Variants in MBOAT2 observed in about 807,000 individuals in gnomAD.
The protein encoded by MBOAT2 is membrane bound glycerophospholipid O-acyltransferase 2, also known as membrane-bound glycerophospholipid O-acyltransferase 2.
Under a neutral mutation model 63.4 loss-of-function variants are expected in MBOAT2, and 28 were observed. The ratio of observed to expected loss-of-function variants is 0.44; its 90% confidence interval spans 0.33 to 0.61. MBOAT2 has a LOEUF of 0.61. Among genes scored for constraint, MBOAT2 ranks in the 20% least tolerant of loss-of-function variants. The probability of loss-of-function intolerance (pLI) is 0.03; values close to 1 mark genes in which losing one functional copy is unlikely to be tolerated. For synonymous variants in MBOAT2, 211 were observed against 215.6 expected, an observed-to-expected ratio of 0.98 and a Z score of 0.19; for missense variants, 470 against 605.8, an observed-to-expected ratio of 0.78 and a Z score of 2.35.
chr2:8,981,153 C>T (rs929268337), intron 1 of MBOAT2, among the ~76,000 whole-genome samples: 15 of 152,036 alleles, frequency 9.9e-5, no homozygotes, highest in African/African-American at 3.4e-4. Flanking sequence ...CGAAAGTAGA[C>T]GAGTGGCTGC....
intron 1 of MBOAT2, among the ~76,000 whole-genome samples, chr2:8,994,739 T>C (rs1672150482): frequency 6.6e-6 from 1 of 152,082 alleles, no homozygotes; most frequent in Admixed American, 6.6e-5. Flanking sequence ...GCATGCAAGA[T>C]ACCCAAAAAG....
intron 12 of MBOAT2, among the ~76,000 whole-genome samples, 197 bp downstream of exon 12, chr2:8,860,416 T>G (rs565723098): frequency 6.6e-6 from 1 of 152,322 alleles, no homozygotes; most frequent in East Asian, 1.9e-4. Context: ...ATCACTCATC[T>G]GAGGGTTGAG....
intron 4 of MBOAT2, among the ~76,000 whole-genome samples, chr2:8,890,260 T>C (rs1663892195): frequency 6.6e-6 from 1 of 152,206 alleles, no homozygotes; most frequent in Non-Finnish European, 1.5e-5. Context: ...TGGACAACTC[T>C]ATCTCAAGTA....
chr2:8,862,694 G>T lies in MBOAT2; in HGVS notation c.1081C>A (p.Pro361Thr). 1 of 1,614,006 alleles carries T rather than the reference G, an allele frequency of 6.2e-7. No individual in the cohort carries two copies. Among genetic ancestry groups the T allele is most frequent in the Non-Finnish European group, 8.5e-7 (1 of 1,179,966 alleles). Residue 361 changes from proline (P) to threonine (T), a missense_variant, in exon 11 of 13, where the codon CCA (proline) becomes ACA (threonine). Pro to Thr is a conservative substitution (Grantham distance 38). Coordinates refer to ENST00000305997, the MANE Select transcript of MBOAT2 (RefSeq NM_138799.4). The surrounding 1 kb of genome is among the most constrained non-coding windows in gnomAD (Gnocchi z 4.3). ...RVCYERTSFS[P>T]TIQTFILSAI... ...GAGAGAATGAACGTCTGGATAGTTG[G>T]ACTGAAGGAGGTTCGTTCATAACAC...
Position 8,862,850 on chromosome 2 carries a change from T to C in MBOAT2, c.1053-128A>G. ...CTAGAAAAACAAATACAACTTATCT[T>C]AGGCAATCACTTCTCTATGATCTCA... On this transcript the variant is annotated intron_variant, in intron 10 of 12. Transcript: ENST00000305997. The surrounding 1 kb of genome is among the most constrained non-coding windows in gnomAD (Gnocchi z 4.3). The C allele has an allele frequency of 2.6e-6, 3 of 1,157,240 alleles. No individual in the cohort carries two copies. Among genetic ancestry groups the C allele is most frequent in the South Asian group, 1.7e-5 (1 of 59,310 alleles). 71.7% of individuals were successfully genotyped at this position (1,157,240 alleles called of 1,614,324 possible). A position where few individuals can be genotyped will look rare whatever the true frequency, so the allele number is the denominator to read the frequency against.
chr2:8,875,527 C>T (rs1227171122), intron 7 of MBOAT2, among the ~76,000 whole-genome samples: 1 of 152,204 alleles, frequency 6.6e-6, no homozygotes, highest in Non-Finnish European at 1.5e-5. Context: ...TTCATACAGT[C>T]TGTAAAATGG....
rs552787504 is a variant in MBOAT2 at position 8,917,640 on chromosome 2, T to C, written c.300-8924A>G. Among the ~76,000 whole-genome samples, 28 of 152,230 alleles carry C rather than the reference T, an allele frequency of 1.8e-4. 1 individual carries two copies. The South Asian group carries it at 4.8e-3, about 26-fold the overall frequency. ...CGCTCGCATACACTGCCAGTGGGAG[T>C]GTAGAATGCTACAATCACTTTGGGA... On this transcript the variant is annotated intron_variant, in intron 3 of 12. Coordinates refer to ENST00000305997, the MANE Select transcript of MBOAT2 (RefSeq NM_138799.4).
chr2:8,973,486 TGTGCACATG>T (rs993381517), intron 1 of MBOAT2, among the ~76,000 whole-genome samples: 20 of 151,582 alleles, frequency 1.3e-4, no homozygotes, highest in Non-Finnish European at 4.4e-5. Flanking sequence ...ACCTGCACAT[TGTGCACATG>T]TACCCTAGAA....
chr2:9,002,441 T>C (rs1302529478), intron 1 of MBOAT2, among the ~76,000 whole-genome samples: 1 of 152,204 alleles, frequency 6.6e-6, no homozygotes, highest in Non-Finnish European at 1.5e-5. Context: ...TGAAGTGAAA[T>C]CCCTGAAGAC....
At chr2:8,956,002 T>C (rs1366612090) in intron 2 of MBOAT2, among the ~76,000 whole-genome samples, 4 of 152,230 alleles carry the variant, frequency 2.6e-5, no homozygotes, top group African/African-American at 2.4e-5. Context: ...GACATAATTA[T>C]ATTGCATACT....
At chr2:8,903,238 G>C (rs1665094082) in intron 4 of MBOAT2, among the ~76,000 whole-genome samples, 1 of 152,126 alleles carries the variant, frequency 6.6e-6, no homozygotes, top group Admixed American at 6.5e-5. Context: ...AGCCCAGCTG[G>C]CTTCACCTCT....
chr2:8,964,645 A>ACCT (rs1290217957), intron 1 of MBOAT2, among the ~76,000 whole-genome samples: 33 of 152,176 alleles, frequency 2.2e-4, no homozygotes, highest in African/African-American at 8.0e-4. Flanking sequence ...CCAGAGTAGA[A>ACCT]CCTCCAAGTC....
chr2:8,867,327 T>C (rs1413651746), intron 9 of MBOAT2, among the ~76,000 whole-genome samples: 2 of 152,178 alleles, frequency 1.3e-5, no homozygotes, highest in Non-Finnish European at 1.5e-5. Context: ...GGTTTTCTCC[T>C]TTTTTCTTTC....
intron 3 of MBOAT2, among the ~76,000 whole-genome samples, chr2:8,930,171 T>A (rs1426427490): frequency 6.6e-6 from 1 of 152,214 alleles, no homozygotes; most frequent in Non-Finnish European, 1.5e-5. Context: ...CAATTCCAGT[T>A]TTCCTCAAGA....
At chr2:8,924,010 T>C (rs185488544) in intron 3 of MBOAT2, among the ~76,000 whole-genome samples, 3 of 152,270 alleles carry the variant, frequency 2.0e-5, no homozygotes, top group Admixed American at 2.0e-4. Context: ...ACCAGAAACA[T>C]CTATGCTTAG....
At chr2:8,868,063 C>T (rs761317111) in intron 9 of MBOAT2, among the ~76,000 whole-genome samples, 7 of 152,108 alleles carry the variant, frequency 4.6e-5, no homozygotes, top group East Asian at 1.9e-4. Context: ...TTGGAGTGTC[C>T]GGTTGTCTCT....
At chr2:8,884,958 T>C (rs981893872) in intron 5 of MBOAT2, among the ~76,000 whole-genome samples, 3 of 152,146 alleles carry the variant, frequency 2.0e-5, no homozygotes, top group Non-Finnish European at 2.9e-5. Context: ...CAGCAAACAA[T>C]GGGGTATGAC....
chr2:8,987,452 T>C (rs1671648171), intron 1 of MBOAT2, among the ~76,000 whole-genome samples: 1 of 152,220 alleles, frequency 6.6e-6, no homozygotes, highest in African/African-American at 2.4e-5. Flanking sequence ...TAAGTTACAT[T>C]CGATTAAAAT....
intron 2 of MBOAT2, among the ~76,000 whole-genome samples, chr2:8,957,683 G>A (rs1243268360): frequency 6.6e-6 from 1 of 152,182 alleles, no homozygotes; most frequent in Non-Finnish European, 1.5e-5. Flanking sequence ...ATCTGCAGAA[G>A]AGCAAGCCTA....
Sources: gnomAD v4.1 joint callset for allele counts (sites outside exome capture counted in the v4.1 genomes callset) on GRCh38, gnomAD v4.1.1 for gene constraint, Gnocchi (gnomAD v3.1) non-coding constraint, MANE v1.5 for transcripts, NCBI Gene and HGNC (gene_info 2026-07-23, HGNC 2026-07-21) for gene names.